The following TNR variants were observed in gnomAD, a reference collection of about 807,000 sequenced individuals.
TNR encodes tenascin R.
Under a neutral mutation model 150.4 loss-of-function variants are expected in TNR, and 45 were observed. That is an observed-to-expected ratio of 0.30 (90% CI 0.24 to 0.38). The LOEUF is 0.38. Among genes scored for constraint, TNR ranks in the 10% least tolerant of loss-of-function variants. The pLI, the probability that TNR is intolerant of heterozygous loss-of-function variation, is 1.00. For missense variants in TNR, 1,544 were observed against 1,759.1 expected (o/e 0.88, Z 2.19); for synonymous variants, 687 against 678.4 (o/e 1.01, Z -0.20).
intron 3 of TNR, among the ~76,000 whole-genome samples, chr1:175,404,568 G>A (rs1653864611): frequency 6.6e-6 from 1 of 152,150 alleles, no homozygotes; most frequent in Admixed American, 6.5e-5. Flanking sequence ...TTGGCCTTGA[G>A]GATATGAAGT....
intron 2 of TNR, among the ~76,000 whole-genome samples, chr1:175,473,540 G>A (rs557947181): frequency 6.6e-6 from 1 of 152,280 alleles, no homozygotes; most frequent in African/African-American, 2.4e-5. Context: ...CAATGCACTG[G>A]CAGTGACTTC....
chr1:175,410,200 T>A (rs542137770), intron 2 of TNR, among the ~76,000 whole-genome samples: 1 of 152,272 alleles, frequency 6.6e-6, no homozygotes, highest in Non-Finnish European at 1.5e-5. Flanking sequence ...ATAGTGTGGC[T>A]GGGGCCAAAT....
intron 1 of TNR, among the ~76,000 whole-genome samples, chr1:175,568,730 T>C (rs541271743): frequency 6.6e-6 from 1 of 152,312 alleles, no homozygotes; most frequent in South Asian, 2.1e-4. Context: ...AGAAGAGCAA[T>C]GTGCTGAGGC....
chr1:175,567,211 T>TTAAG (rs1661679046), intron 1 of TNR, among the ~76,000 whole-genome samples: 1 of 152,162 alleles, frequency 6.6e-6, no homozygotes, highest in East Asian at 1.9e-4. Context: ...GGAACAATAT[T>TTAAG]TAAGTGTAAA....
intron 2 of TNR, among the ~76,000 whole-genome samples, chr1:175,462,942 AC>A (rs1483553813): frequency 1.3e-5 from 2 of 152,210 alleles, no homozygotes; most frequent in African/African-American, 4.8e-5. Flanking sequence ...CCAATAAGAT[AC>A]TTTTTATCCT....
chr1:175,736,529 AAAG>A (rs1187622534), intron 1 of TNR, among the ~76,000 whole-genome samples: 1 of 152,032 alleles, frequency 6.6e-6, no homozygotes, highest in Admixed American at 6.6e-5. Context: ...TCAAAAAAAA[AAAG>A]ATGTGATGAT....
intron 1 of TNR, among the ~76,000 whole-genome samples, chr1:175,655,662 G>A (rs746588534): frequency 2.6e-5 from 4 of 152,330 alleles, no homozygotes; most frequent in Non-Finnish European, 4.4e-5. Context: ...TATAATAAGT[G>A]TTATTAGTGC....
In TNR at chr1:175,454,859, G is replaced by A. The variant is rs777690907; in HGVS notation, c.-63-48082C>T. 5.3e-5 allele frequency among the ~76,000 whole-genome samples: 8 copies of A among 152,258 alleles called. No homozygotes were observed. In the South Asian group the frequency reaches 6.2e-4, roughly 12 times the overall value. On this transcript the variant is annotated intron_variant, in intron 2 of 22. Coordinates refer to ENST00000367674, the MANE Select transcript of TNR (RefSeq NM_003285.3). ...TTCTTCATCTGCACGGTGGGAACAC[G>A]GGCAGCTTTAAAGTATGGCTACAAG...
Position 175,403,538 on chromosome 1 carries a change from C to T in TNR, c.578G>A (p.Gly193Asp). 1 of 1,614,232 alleles carries T rather than the reference C, an allele frequency of 6.2e-7. No homozygotes were observed. Among genetic ancestry groups the T allele is most frequent in the Non-Finnish European group, 8.5e-7 (1 of 1,180,054 alleles). The change falls in exon 4 of 23, where the codon GGC becomes GAC. Residue 193 changes from glycine (G) to aspartate (D), a missense_variant. Coordinates refer to ENST00000367674, the MANE Select transcript of TNR (RefSeq NM_003285.3). ...FESCGCICNEGWFGKNCSEPY... is the reference protein window; with the variant it reads ...FESCGCICNEDWFGKNCSEPY... ...CTCCGAGCAATTCTTGCCAAACCAG[C>T]CTTCGTTGCAGATGCAGCCACAGGA...
At chr1:175,700,732 G>C (rs1169427368) in intron 1 of TNR, among the ~76,000 whole-genome samples, 1 of 152,120 alleles carries the variant, frequency 6.6e-6, no homozygotes, top group Admixed American at 6.5e-5. Flanking sequence ...GGGCCCTCTT[G>C]GGTCCCATTT....
At chr1:175,449,066 G>A (rs571808114) in intron 2 of TNR, among the ~76,000 whole-genome samples, 4 of 152,300 alleles carry the variant, frequency 2.6e-5, no homozygotes, top group African/African-American at 7.2e-5. Flanking sequence ...CATTTACATG[G>A]TAATAGATTA....
At chr1:175,659,491 TCTTG>T (rs938096509) in intron 1 of TNR, among the ~76,000 whole-genome samples, 2 of 152,110 alleles carry the variant, frequency 1.3e-5, no homozygotes, top group African/African-American at 2.4e-5. Context: ...TCCACTTCAT[TCTTG>T]CTTGTGTGTG....
chr1:175,325,907 T>C (rs1227574801), intron 21 of TNR, among the ~76,000 whole-genome samples: 1 of 152,112 alleles, frequency 6.6e-6, no homozygotes, highest in Non-Finnish European at 1.5e-5. Flanking sequence ...TTAGGAGATA[T>C]ACCTAATGTA....
chr1:175,390,187 G>T (rs949317787), intron 7 of TNR, among the ~76,000 whole-genome samples: 1 of 152,178 alleles, frequency 6.6e-6, no homozygotes, highest in Non-Finnish European at 1.5e-5. Flanking sequence ...GATGCTGTTT[G>T]GTTTGGATTC....
chr1:175,584,449 T>A (rs1662486333), intron 1 of TNR, among the ~76,000 whole-genome samples: 1 of 152,216 alleles, frequency 6.6e-6, no homozygotes, highest in South Asian at 2.1e-4. Context: ...GACTTGGACT[T>A]CTGGCTTGCA....
chr1:175,315,731 GAGT>G lies in TNR; in HGVS notation c.*7623_*7625del. 1 of 152,360 alleles carries G rather than the reference GAGT, an allele frequency of 6.6e-6. No homozygotes were observed. Among genetic ancestry groups the G allele is most frequent in the Non-Finnish European group, 1.5e-5 (1 of 68,102 alleles). 9.4% of individuals were successfully genotyped at this position (152,360 alleles called of 1,614,324 possible). A position where few individuals can be genotyped will look rare whatever the true frequency, so the allele number is the denominator to read the frequency against. ...ACTTGGGCATCCCCATGGGCCTGGG[GAGT>G]ATTCGAGGTTGGAATCATTAGATGT... On this transcript the variant is annotated 3_prime_UTR_variant, in exon 23 of 23. Coordinates refer to ENST00000367674, the MANE Select transcript of TNR (RefSeq NM_003285.3).
rs530131903 is a variant in TNR at position 175,609,133 on chromosome 1, A to G, written c.-164-80764T>C. On this transcript the variant is annotated intron_variant, in intron 1 of 22. Transcript: ENST00000367674. ...ATGTGCACATCATGGAGCACTTTGC[A>G]GCAGAAAGGAGCTAAATACTGGATG... Among the ~76,000 whole-genome samples, 3 of 152,364 alleles carry G rather than the reference A, an allele frequency of 2.0e-5. No homozygotes were observed. In the South Asian group the frequency reaches 6.2e-4, roughly 32 times the overall value.
At chr1:175,589,855 G>GT (rs1348810552) in intron 1 of TNR, among the ~76,000 whole-genome samples, 1 of 152,164 alleles carries the variant, frequency 6.6e-6, no homozygotes, top group East Asian at 1.9e-4. Context: ...CAGGGGGTTG[G>GT]GGGCTAGGGG....
intron 2 of TNR, among the ~76,000 whole-genome samples, chr1:175,429,764 T>C (rs1031709010): frequency 7.2e-5 from 11 of 152,194 alleles, no homozygotes; most frequent in African/African-American, 2.7e-4. Flanking sequence ...ATAATGTCAC[T>C]GATGGAGGAA....
Sources: allele counts gnomAD v4.1 joint callset (sites outside exome capture counted in the v4.1 genomes callset), GRCh38; gene constraint gnomAD v4.1.1; transcripts MANE v1.5; gene names NCBI Gene and HGNC (gene_info 2026-07-23, HGNC 2026-07-21).